ADAMTS16: variants seen among roughly 807,000 people sequenced by gnomAD.
ADAMTS16 encodes the protein A disintegrin and metalloproteinase with thrombospondin motifs 16.
Under a neutral mutation model 145.8 loss-of-function variants are expected in ADAMTS16, and 94 were observed. The observed-to-expected ratio is 0.64, with a 90% CI of 0.55 to 0.77. The LOEUF (loss-of-function observed/expected upper bound fraction) is 0.77, where lower values mean the gene tolerates loss of function less well. Among genes scored for constraint, ADAMTS16 ranks in the 30% least tolerant of loss-of-function variants. ADAMTS16 has a pLI of 0.00. For missense variants in ADAMTS16, 1,585 were observed against 1,591.5 expected, an observed-to-expected ratio of 1.00 and a Z score of 0.07; for synonymous variants, 659 against 604.3, an observed-to-expected ratio of 1.09 and a Z score of -1.33.
intron 3 of ADAMTS16, among the ~76,000 whole-genome samples, chr5:5,161,777 A>T (rs1255139344): frequency 6.6e-6 from 1 of 152,196 alleles, no homozygotes; most frequent in Non-Finnish European, 1.5e-5. Context: ...ATTTTCTATC[A>T]TAGGAAGAGC....
intron 9 of ADAMTS16, among the ~76,000 whole-genome samples, chr5:5,204,321 T>C (rs913218541): frequency 1.3e-5 from 2 of 152,208 alleles, no homozygotes; most frequent in African/African-American, 4.8e-5. Flanking sequence ...ATTAACATTA[T>C]TTTTGTTTTG....
At chr5:5,291,869 C>G (rs1230879796) in intron 18 of ADAMTS16, among the ~76,000 whole-genome samples, 1 of 152,150 alleles carries the variant, frequency 6.6e-6, no homozygotes, top group Non-Finnish European at 1.5e-5. Context: ...AAGGAAACTT[C>G]TAGTGATGTT....
chr5:5,218,635 T>A (rs1318310341), intron 10 of ADAMTS16, among the ~76,000 whole-genome samples: 1 of 152,172 alleles, frequency 6.6e-6, no homozygotes, highest in Non-Finnish European at 1.5e-5. Context: ...TCTTTCCCAG[T>A]GTACTGGAAA....
chr5:5,183,684 T>TGGCACAGCTAA (rs1314008930), intron 4 of ADAMTS16, among the ~76,000 whole-genome samples: 1 of 152,160 alleles, frequency 6.6e-6, no homozygotes, highest in Non-Finnish European at 1.5e-5. Flanking sequence ...CTCAGGCTGG[T>TGGCACAGCTAA]GGCACAGCTA....
chr5:5,148,615 T>C (rs1734364665), intron 3 of ADAMTS16, among the ~76,000 whole-genome samples: 1 of 152,168 alleles, frequency 6.6e-6, no homozygotes, highest in African/African-American at 2.4e-5. Flanking sequence ...TAATGATTGG[T>C]TTGAGGAATA....
chr5:5,233,907 A>C (rs1305548947), intron 12 of ADAMTS16, among the ~76,000 whole-genome samples: 1 of 152,158 alleles, frequency 6.6e-6, no homozygotes, highest in African/African-American at 2.4e-5. Flanking sequence ...TAGGTTTTTG[A>C]GTAATTGCCA....
rs141790895 is a variant in ADAMTS16 at position 5,318,384 on chromosome 5, T to C, written c.3559+103T>C. The stretch of plus-strand genomic sequence containing the variant: ...CCTGGAGTTAGGGTCTTGCGTCTGA[T>C]CTACCTTTTCTCTCTTTGCATCTTC... On this transcript the variant is annotated intron_variant, in intron 22 of 22. Transcript: ENST00000274181. The C allele has an allele frequency of 1.5e-4, 175 of 1,150,956 alleles. No individual in the cohort carries two copies. In the African/African-American group the frequency reaches 2.4e-3, roughly 16 times the overall value. The allele number at this position is 1,150,956 out of a possible 1,614,324, so 71.3% of individuals were successfully genotyped here. A position where few individuals can be genotyped will look rare whatever the true frequency, so the allele number is the denominator to read the frequency against.
At chr5:5,227,886 C>T (rs1282711247) in intron 11 of ADAMTS16, among the ~76,000 whole-genome samples, 1 of 151,994 alleles carries the variant, frequency 6.6e-6, no homozygotes, top group African/African-American at 2.4e-5. Flanking sequence ...GGATAAACAC[C>T]CCATGGAATA....
chr5:5,240,868 T>C (rs894760987), intron 16 of ADAMTS16, among the ~76,000 whole-genome samples: 1 of 152,206 alleles, frequency 6.6e-6, no homozygotes, highest in African/African-American at 2.4e-5. Context: ...TTGAATTCTT[T>C]CCATGATCTT....
intron 17 of ADAMTS16, among the ~76,000 whole-genome samples, chr5:5,243,916 A>G (rs769019528): frequency 9.2e-5 from 14 of 152,204 alleles, no homozygotes; most frequent in Admixed American, 2.6e-4. Context: ...AATAATTGAG[A>G]GTTTCTGGGG....
chr5:5,270,948 C>G (rs1239770354), intron 18 of ADAMTS16, among the ~76,000 whole-genome samples: 1 of 152,148 alleles, frequency 6.6e-6, no homozygotes, highest in Non-Finnish European at 1.5e-5. Context: ...AAGCCGCACT[C>G]TCCTTCCCCA....
At chr5:5,259,350 G>A (rs954770066) in intron 17 of ADAMTS16, among the ~76,000 whole-genome samples, 2 of 152,172 alleles carry the variant, frequency 1.3e-5, no homozygotes, top group African/African-American at 2.4e-5. Flanking sequence ...TCCAACACAA[G>A]GACACATCTG....
intron 9 of ADAMTS16, among the ~76,000 whole-genome samples, chr5:5,203,922 A>T (rs1044933913): frequency 1.3e-5 from 2 of 152,050 alleles, no homozygotes; most frequent in Non-Finnish European, 2.9e-5. Context: ...ATGAGATCTG[A>T]CCTGACAGCC....
At chr5:5,203,991 GTGATACAAAGC>G (rs1736023099) in intron 9 of ADAMTS16, among the ~76,000 whole-genome samples, 1 of 152,162 alleles carries the variant, frequency 6.6e-6, no homozygotes, top group Admixed American at 6.5e-5. Context: ...ACACTGCTCT[GTGATACAAAGC>G]TCATCTTAAA....
chr5:5,202,279 G>T (rs1735979743), intron 9 of ADAMTS16, among the ~76,000 whole-genome samples: 1 of 152,058 alleles, frequency 6.6e-6, no homozygotes, highest in Non-Finnish European at 1.5e-5. Context: ...GTGTTTCATA[G>T]TTTATGCCAC....
At chr5:5,275,559 T>G (rs1450832560) in intron 18 of ADAMTS16, among the ~76,000 whole-genome samples, 2 of 152,186 alleles carry the variant, frequency 1.3e-5, no homozygotes, top group Non-Finnish European at 1.5e-5. Context: ...CCATTTTTTC[T>G]CTTAGTTTTA....
At chr5:5,278,702 G>T (rs1365996098) in intron 18 of ADAMTS16, among the ~76,000 whole-genome samples, 1 of 152,276 alleles carries the variant, frequency 6.6e-6, no homozygotes, top group East Asian at 1.9e-4. Flanking sequence ...TCCCTGTCCT[G>T]GAGGAGCATG....
intron 18 of ADAMTS16, among the ~76,000 whole-genome samples, chr5:5,289,453 ATTG>A (rs1197031226): frequency 6.6e-6 from 1 of 152,162 alleles, no homozygotes; most frequent in Non-Finnish European, 1.5e-5. Context: ...CTGTTGTTTC[ATTG>A]TTAACATTCC....
intron 3 of ADAMTS16, among the ~76,000 whole-genome samples, chr5:5,166,032 T>C (rs879532764): frequency 6.6e-6 from 1 of 152,174 alleles, no homozygotes; most frequent in Non-Finnish European, 1.5e-5. Flanking sequence ...TCTCCTGTCT[T>C]CCACAGGTCC....
Sources: gnomAD v4.1 joint callset for allele counts (sites outside exome capture counted in the v4.1 genomes callset) on GRCh38, gnomAD v4.1.1 for gene constraint, MANE v1.5 for transcripts, NCBI Gene and HGNC (gene_info 2026-07-23, HGNC 2026-07-21) for gene names.